The following DSCAML1 variants were observed in gnomAD, a reference collection of about 807,000 sequenced individuals.
DSCAML1 encodes DS cell adhesion molecule like 1, also known as cell adhesion molecule DSCAML1.
Under a neutral mutation model 200.5 loss-of-function variants are expected in DSCAML1, and 38 were observed. That is an observed-to-expected ratio of 0.19 (90% CI 0.15 to 0.25). The LOEUF (loss-of-function observed/expected upper bound fraction) is 0.25. DSCAML1 is among the 10% of genes least tolerant of loss of function. The pLI is 1.00. For missense variants in DSCAML1, 2,223 were observed against 2,858.8 expected, an observed-to-expected ratio of 0.78 and a Z score of 5.07; for synonymous variants, 1,215 against 1,165.0, an observed-to-expected ratio of 1.04 and a Z score of -0.87.
chr11:117,547,647 G>A (rs756506032), intron 3 of DSCAML1, among the ~76,000 whole-genome samples: 6 of 152,248 alleles, frequency 3.9e-5, no homozygotes, highest in South Asian at 2.1e-4. Context: ...CCAACACCCC[G>A]CGTGCTATAA....
Position 117,489,203 on chromosome 11 carries a change from C to G in DSCAML1, c.2360-7041G>C, listed in dbSNP as rs752520726. 8.5e-5 allele frequency among the ~76,000 whole-genome samples: 13 copies of G among 152,210 alleles called. No individual in the cohort carries two copies. The highest frequency in any genetic ancestry group is 1.8e-4 in the Non-Finnish European group (12 of 68,050). Reference sequence around the variant, plus strand: ...TTGGCTGTCACCAAAAAGCTGTGGCCTCTGCGGCGGGGCAGCTGCAGCAGG... The same window carrying G: ...TTGGCTGTCACCAAAAAGCTGTGGCGTCTGCGGCGGGGCAGCTGCAGCAGG... On this transcript the variant is annotated intron_variant, in intron 11 of 32. Coordinates refer to ENST00000651296, the MANE Select transcript of DSCAML1 (RefSeq NM_020693.4). This position sits in a 1 kb window ranked among gnomAD's most constrained non-coding sequence, Gnocchi z 4.8.
intron 20 of DSCAML1, among the ~76,000 whole-genome samples, chr11:117,445,740 A>G (rs1326130172): frequency 6.6e-6 from 1 of 152,180 alleles, no homozygotes; most frequent in Non-Finnish European, 1.5e-5. Context: ...GCATCAGTGT[A>G]TACCTGAGTG....
intron 11 of DSCAML1, among the ~76,000 whole-genome samples, chr11:117,487,439 A>G (rs995283121): frequency 6.6e-6 from 1 of 152,116 alleles, no homozygotes. Flanking sequence ...CAAATGGAGA[A>G]ACTGAGGTGA....
intron 14 of DSCAML1, among the ~76,000 whole-genome samples, chr11:117,474,193 C>A (rs1460732350): frequency 6.6e-6 from 1 of 152,206 alleles, no homozygotes; most frequent in East Asian, 1.9e-4. Flanking sequence ...ATCTCCACAG[C>A]AGAGGTGACC....
intron 2 of DSCAML1, 89 bp from the exon 3 acceptor site, chr11:117,777,026 C>T: frequency 7.3e-7 from 1 of 1,374,086 alleles, no homozygotes; most frequent in Non-Finnish European, 1.0e-6. Flanking sequence ...AGCTCAACTC[C>T]CTCTGCTCCT....
At chr11:117,481,674 A>AG (rs2137215970) in intron 12 of DSCAML1, among the ~76,000 whole-genome samples, 1 of 150,378 alleles carries the variant, frequency 6.6e-6, no homozygotes, top group Non-Finnish European at 1.5e-5. Context: ...GGAGGGGCTG[A>AG]GGGGTCCCAA....
intron 3 of DSCAML1, among the ~76,000 whole-genome samples, chr11:117,687,426 A>ATTTTAAATTTTTTTTTTTTTTTTT (rs552784985): frequency 1.0e-5 from 1 of 97,684 alleles, no homozygotes; most frequent in African/African-American, 4.1e-5. Flanking sequence ...ATGCCTGGCT[A>ATTTTAAATTTTTTTTTTTTTTTTT]TTTTTTTTTT....
intron 3 of DSCAML1, among the ~76,000 whole-genome samples, chr11:117,740,118 G>T (rs1384268199): frequency 1.3e-5 from 2 of 152,230 alleles, no homozygotes; most frequent in Non-Finnish European, 2.9e-5. Flanking sequence ...CTTGGTTACA[G>T]GGAAGAGCCA....
At chr11:117,544,909 G>T (rs2050342788) in intron 3 of DSCAML1, among the ~76,000 whole-genome samples, 1 of 152,164 alleles carries the variant, frequency 6.6e-6, no homozygotes, top group Admixed American at 6.5e-5. Context: ...AGTCATGAGG[G>T]TGGGGTCCTG....
chr11:117,512,557 G>A (rs1400968171), intron 8 of DSCAML1, among the ~76,000 whole-genome samples: 1 of 151,964 alleles, frequency 6.6e-6, no homozygotes, highest in East Asian at 1.9e-4. Flanking sequence ...GAAAACAGGT[G>A]ACTACACCCG....
At chr11:117,779,697 T>G (rs562487620) in intron 2 of DSCAML1, among the ~76,000 whole-genome samples, 1 of 152,278 alleles carries the variant, frequency 6.6e-6, no homozygotes, top group East Asian at 1.9e-4. Context: ...GGACACCATT[T>G]GTATAAAGTT....
chr11:117,602,145 G>A (rs1308248818), intron 3 of DSCAML1, among the ~76,000 whole-genome samples: 1 of 152,240 alleles, frequency 6.6e-6, no homozygotes, highest in African/African-American at 2.4e-5. Context: ...GCCTTCTCAC[G>A]ACCTCTAAAA....
intron 3 of DSCAML1, among the ~76,000 whole-genome samples, chr11:117,689,056 CT>C (rs2053453944): frequency 6.6e-6 from 1 of 152,204 alleles, no homozygotes; most frequent in South Asian, 2.1e-4. Context: ...TCCTCCTCCC[CT>C]CATCTTCCCA....
At chr11:117,747,671 G>A (rs1242696199) in intron 3 of DSCAML1, among the ~76,000 whole-genome samples, 3 of 152,164 alleles carry the variant, frequency 2.0e-5, no homozygotes, top group African/African-American at 4.8e-5. Flanking sequence ...CCTGAGTCAG[G>A]GACCTTGCAG....
intron 3 of DSCAML1, among the ~76,000 whole-genome samples, chr11:117,559,151 AAAAG>A (rs1032685621): frequency 1.3e-5 from 2 of 151,602 alleles, no homozygotes; most frequent in African/African-American, 4.9e-5. Flanking sequence ...AGAAAGAAAG[AAAAG>A]AAAGACACCA....
chr11:117,487,034 C>G (rs776982762), intron 11 of DSCAML1, among the ~76,000 whole-genome samples: 5 of 144,184 alleles, frequency 3.5e-5, no homozygotes, highest in Admixed American at 7.4e-5. Context: ...AAGTGATTCT[C>G]CTGCCTCAGT....
chr11:117,767,845 G>T (rs1358798773), intron 3 of DSCAML1, among the ~76,000 whole-genome samples: 1 of 152,162 alleles, frequency 6.6e-6, no homozygotes, highest in Admixed American at 6.6e-5. Flanking sequence ...TTACATCTAA[G>T]AATGGGGGTA....
At chr11:117,435,547 G>C in intron 27 of DSCAML1, 97 bp downstream of exon 27, 1 of 1,408,066 alleles carries the variant, frequency 7.1e-7, no homozygotes, top group South Asian at 1.5e-5. Context: ...CAGGCACTCT[G>C]TATCATCCAG....
chr11:117,497,983 G>T (rs112721350), intron 11 of DSCAML1, among the ~76,000 whole-genome samples: 3,291 of 152,344 alleles, frequency 0.022, 118 homozygotes, highest in African/African-American at 0.073. Flanking sequence ...AAGAGCAGAG[G>T]GGGTGACCTG....
Sources: gnomAD v4.1 joint callset for allele counts (sites outside exome capture counted in the v4.1 genomes callset) on GRCh38, gnomAD v4.1.1 for gene constraint, Gnocchi (gnomAD v3.1) non-coding constraint, MANE v1.5 for transcripts, NCBI Gene and HGNC (gene_info 2026-07-23, HGNC 2026-07-21) for gene names.